The following RARB variants were observed in gnomAD, a reference collection of about 807,000 sequenced individuals.
The protein encoded by RARB is retinoic acid receptor beta.
Under a neutral mutation model 51.9 loss-of-function variants are expected in RARB, and 17 were observed. That is an observed-to-expected ratio of 0.33 (90% CI 0.22 to 0.49). RARB has a LOEUF of 0.49. Ranked by LOEUF, RARB falls within the 20% of genes least tolerant of loss-of-function variation. RARB has a pLI of 0.99. For synonymous variants in RARB, 215 were observed against 195.4 expected (o/e 1.10, Z -0.84); for missense variants, 369 against 550.8 (o/e 0.67, Z 3.30).
At chr3:25,232,692 T>C (rs938906049) in intron 5 of RARB, among the ~76,000 whole-genome samples, 4 of 152,168 alleles carry the variant, frequency 2.6e-5, no homozygotes, top group African/African-American at 7.2e-5. Flanking sequence ...CCCCAACTTA[T>C]GATGATGCAA....
chr3:24,997,621 G>T (rs1697069608), intron 2 of RARB, among the ~76,000 whole-genome samples: 1 of 152,046 alleles, frequency 6.6e-6, no homozygotes, highest in Non-Finnish European at 1.5e-5. Flanking sequence ...TTGACCTCAG[G>T]TGATCCACTT....
At chr3:25,385,555 C>T (rs1332408106) in intron 5 of RARB, among the ~76,000 whole-genome samples, 11 of 152,166 alleles carry the variant, frequency 7.2e-5, no homozygotes, top group Non-Finnish European at 1.2e-4. Flanking sequence ...TCAGTTTCCC[C>T]TACCACGAGG....
chr3:25,596,655 C>T lies in RARB; in HGVS notation c.*39C>T. On this transcript the variant is annotated 3_prime_UTR_variant, in exon 8 of 8. Transcript: ENST00000330688. ...TACTTCAAACATTCCCCAGTACCTT[C>T]AGTTCCAGGATTTAAAATGCAAGAA... is the stretch of plus-strand genomic sequence containing the variant. 6.8e-7 allele frequency: 1 copy of T among 1,474,486 alleles called. No homozygotes were observed. The highest frequency in any genetic ancestry group is 9.3e-7 in the Non-Finnish European group (1 of 1,076,644). 91.3% of individuals were successfully genotyped at this position (1,474,486 alleles called of 1,614,324 possible).
intron 1 of RARB, among the ~76,000 whole-genome samples, chr3:25,448,892 C>T (rs1709066129): frequency 6.6e-6 from 1 of 152,094 alleles, no homozygotes; most frequent in Non-Finnish European, 1.5e-5. Flanking sequence ...CCCCCTCCAC[C>T]CCCGCAATCC....
intron 2 of RARB, among the ~76,000 whole-genome samples, chr3:24,926,492 T>C (rs775742678): frequency 2.0e-5 from 3 of 152,114 alleles, no homozygotes; most frequent in East Asian, 1.9e-4. Flanking sequence ...CCATTATCTA[T>C]AGATAGTGCT....
chr3:25,445,413 C>A (rs1249878378), intron 1 of RARB, among the ~76,000 whole-genome samples: 3 of 152,102 alleles, frequency 2.0e-5, no homozygotes, highest in African/African-American at 7.2e-5. Context: ...GCCTGTAATC[C>A]CAGCACTTAG....
intron 3 of RARB, among the ~76,000 whole-genome samples, chr3:25,519,044 C>G (rs1000953863): frequency 2.0e-5 from 3 of 152,148 alleles, no homozygotes; most frequent in Non-Finnish European, 4.4e-5. Context: ...AGTGTATGCT[C>G]TTTTGTGTCT....
chr3:25,409,087 A>G (rs999186268), intron 5 of RARB, among the ~76,000 whole-genome samples: 1 of 152,220 alleles, frequency 6.6e-6, no homozygotes, highest in Non-Finnish European at 1.5e-5. Flanking sequence ...TAAATGCTCA[A>G]GTATGACAGT....
intron 5 of RARB, among the ~76,000 whole-genome samples, chr3:25,265,980 C>G (rs1321582464): frequency 6.6e-6 from 1 of 152,160 alleles, no homozygotes; most frequent in Non-Finnish European, 1.5e-5. Flanking sequence ...CAACTCTCAA[C>G]CTAGTCATCC....
At chr3:25,061,043 G>A (rs909108283) in intron 3 of RARB, among the ~76,000 whole-genome samples, 17 of 151,760 alleles carry the variant, frequency 1.1e-4, no homozygotes, top group Non-Finnish European at 2.2e-4. Flanking sequence ...CAAACTGTTG[G>A]GAAAGGTTGT....
chr3:24,884,931 T>G (rs1703240065), intron 2 of RARB, among the ~76,000 whole-genome samples: 1 of 152,198 alleles, frequency 6.6e-6, no homozygotes, highest in Middle Eastern at 3.4e-3. Flanking sequence ...GCCATACTTC[T>G]TTTCCCCACA....
chr3:24,873,601 T>G (rs977204107), intron 2 of RARB, among the ~76,000 whole-genome samples: 4 of 151,982 alleles, frequency 2.6e-5, no homozygotes, highest in Non-Finnish European at 5.9e-5. Flanking sequence ...GTCCATATTT[T>G]TATTTAGTAC....
intron 1 of RARB, among the ~76,000 whole-genome samples, chr3:24,851,295 T>C (rs1484050591): frequency 6.6e-6 from 1 of 152,000 alleles, no homozygotes; most frequent in Non-Finnish European, 1.5e-5. Flanking sequence ...GGCATGGTGG[T>C]GTGCACCTGT....
At chr3:25,013,227 A>T in intron 2 of RARB, among the ~76,000 whole-genome samples, 1 of 152,128 alleles carries the variant, frequency 6.6e-6, no homozygotes, top group Non-Finnish European at 1.5e-5. Flanking sequence ...GACCTTTGGC[A>T]TGAAGACCAG....
At chr3:25,260,575 C>G (rs1702973359) in intron 5 of RARB, among the ~76,000 whole-genome samples, 1 of 152,068 alleles carries the variant, frequency 6.6e-6, no homozygotes, top group Non-Finnish European at 1.5e-5. Flanking sequence ...CAGAATTGAG[C>G]CAAGTCTTAT....
chr3:25,107,683 GAAGT>G (rs911091497), intron 3 of RARB, among the ~76,000 whole-genome samples: 19 of 152,102 alleles, frequency 1.2e-4, no homozygotes, highest in Admixed American at 2.6e-4. Context: ...TAAATGAGGT[GAAGT>G]AAGAGATTAA....
In RARB at chr3:25,262,043, G is replaced by A. The variant is rs529033128; in HGVS notation, c.178+87468G>A. 3.9e-5 allele frequency among the ~76,000 whole-genome samples: 6 copies of A among 152,180 alleles called. No individual in the cohort carries two copies. In the South Asian group the frequency reaches 1.2e-3, roughly 32 times the overall value. ...ACTCTCTGGATTAAAGGCCCTCTGG[G>A]GCTTCCTTTTTTAATAGACTAAAGG... On this transcript the variant is annotated intron_variant, in intron 5 of 11. Coordinates refer to the RARB transcript ENST00000383772.
chr3:25,559,418 C>T (rs1022160909), intron 3 of RARB, among the ~76,000 whole-genome samples: 11 of 152,316 alleles, frequency 7.2e-5, no homozygotes, highest in Admixed American at 2.6e-4. Flanking sequence ...CATCTTACAA[C>T]CTGTCCCTTA....
intron 5 of RARB, among the ~76,000 whole-genome samples, chr3:25,227,884 T>A (rs543265700): frequency 1.3e-5 from 2 of 152,106 alleles, no homozygotes; most frequent in Non-Finnish European, 2.9e-5. Context: ...TTAGAATGAC[T>A]TTTTTGTCTT....
Sources: allele counts gnomAD v4.1 joint callset (sites outside exome capture counted in the v4.1 genomes callset), GRCh38; gene constraint gnomAD v4.1.1; transcripts MANE v1.5; gene names NCBI Gene and HGNC (gene_info 2026-07-23, HGNC 2026-07-21).